The following IMMP2L variants were observed in gnomAD, a reference collection of about 807,000 sequenced individuals.
IMMP2L encodes the protein inner mitochondrial membrane peptidase subunit 2.
A neutral mutation model predicts 19.3 loss-of-function variants in IMMP2L; 18 were observed. The observed-to-expected ratio is 0.93, with a 90% CI of 0.64 to 1.38. The LOEUF (loss-of-function observed/expected upper bound fraction) is 1.38, where lower values mean the gene tolerates loss of function less well. IMMP2L is among the 40% of genes most tolerant of loss of function. The pLI, the probability that IMMP2L is intolerant of heterozygous loss-of-function variation, is 0.00. For missense variants in IMMP2L, 233 were observed against 218.2 expected (o/e 1.07, Z -0.43); for synonymous variants, 76 against 73.0 (o/e 1.04, Z -0.21).
chr7:110,690,132 C>T (rs73714312), intron 5 of IMMP2L, among the ~76,000 whole-genome samples: 5,398 of 152,222 alleles, frequency 0.035, 190 homozygotes, highest in African/African-American at 0.092. Context: ...ACTCACCCCC[C>T]ACCTCAGACA....
chr7:111,066,327 A>G (rs1463065790), intron 3 of IMMP2L, among the ~76,000 whole-genome samples: 1 of 152,142 alleles, frequency 6.6e-6, no homozygotes, highest in Non-Finnish European at 1.5e-5. Flanking sequence ...GTACCAGGAA[A>G]AAGTAGGCCT....
At chr7:111,320,507 A>C (rs1824571398) in intron 3 of IMMP2L, among the ~76,000 whole-genome samples, 1 of 152,032 alleles carries the variant, frequency 6.6e-6, no homozygotes, top group Non-Finnish European at 1.5e-5. Context: ...AATCTTTCTA[A>C]AACATTTTAG....
intron 5 of IMMP2L, among the ~76,000 whole-genome samples, chr7:110,804,788 A>T (rs988656686): frequency 2.6e-5 from 4 of 152,136 alleles, no homozygotes; most frequent in Non-Finnish European, 5.9e-5. Flanking sequence ...GGCCATGCTA[A>T]TGAGGACTAC....
chr7:111,479,795 T>C (rs1842023067), intron 3 of IMMP2L, among the ~76,000 whole-genome samples: 1 of 152,126 alleles, frequency 6.6e-6, no homozygotes, highest in Non-Finnish European at 1.5e-5. Context: ...CACTAGTATT[T>C]AATAGAATGT....
chr7:110,672,433 G>T (rs1326674679), intron 5 of IMMP2L, among the ~76,000 whole-genome samples: 1 of 152,034 alleles, frequency 6.6e-6, no homozygotes, highest in African/African-American at 2.4e-5. Context: ...TCCACACCCA[G>T]CCCCTCCCAA....
intron 3 of IMMP2L, among the ~76,000 whole-genome samples, chr7:111,127,498 A>T (rs557370518): frequency 6.6e-6 from 1 of 152,312 alleles, no homozygotes; most frequent in Non-Finnish European, 1.5e-5. Flanking sequence ...GTTACAACCA[A>T]AAATATACAG....
At chr7:110,679,243 C>T (rs1018667258) in intron 5 of IMMP2L, among the ~76,000 whole-genome samples, 2 of 152,094 alleles carry the variant, frequency 1.3e-5, no homozygotes, top group East Asian at 3.9e-4. Flanking sequence ...AGTCTCTTTA[C>T]CACATAATCA....
chr7:111,273,655 C>T (rs1205085354), intron 3 of IMMP2L, among the ~76,000 whole-genome samples: 1 of 152,112 alleles, frequency 6.6e-6, no homozygotes, highest in Non-Finnish European at 1.5e-5. Context: ...TGAAGGAACA[C>T]TTCCCGAGGG....
intron 1 of IMMP2L, among the ~76,000 whole-genome samples, chr7:111,522,938 T>TATATATATATATATATA (rs199823915): frequency 1.5e-4 from 22 of 148,816 alleles, no homozygotes; most frequent in African/African-American, 3.6e-4. Flanking sequence ...TATATATATA[T>TATATATATATATATATA]TATTTCACCA....
chr7:110,815,361 G>A (rs1480045663), intron 5 of IMMP2L, among the ~76,000 whole-genome samples: 1 of 151,858 alleles, frequency 6.6e-6, no homozygotes, highest in Admixed American at 6.6e-5. Flanking sequence ...TGCTGGATTC[G>A]GTTTGCCAGT....
intron 3 of IMMP2L, among the ~76,000 whole-genome samples, chr7:111,029,287 T>C (rs180789787): frequency 6.6e-6 from 1 of 152,216 alleles, no homozygotes; most frequent in Non-Finnish European, 1.5e-5. Context: ...AAGGATCTGG[T>C]TTCAGCTCAC....
intron 3 of IMMP2L, among the ~76,000 whole-genome samples, chr7:111,211,147 CAG>C (rs1586846811): frequency 6.6e-6 from 1 of 152,110 alleles, no homozygotes; most frequent in East Asian, 1.9e-4. Flanking sequence ...GGAAATACTA[CAG>C]AGAGTACTAC....
intron 3 of IMMP2L, among the ~76,000 whole-genome samples, chr7:111,056,172 T>C (rs1044169809): frequency 1.3e-5 from 2 of 152,228 alleles, no homozygotes; most frequent in African/African-American, 4.8e-5. Context: ...TAATAGATTG[T>C]TATTAATGAA....
intron 3 of IMMP2L, among the ~76,000 whole-genome samples, chr7:111,114,635 C>T (rs1306477970): frequency 6.6e-6 from 1 of 150,726 alleles, no homozygotes; most frequent in Non-Finnish European, 1.5e-5. Context: ...ACTTGGGAGG[C>T]TGAGGCAGGA....
At chr7:111,391,900 T>A (rs545985053) in intron 3 of IMMP2L, 1 of 702,864 alleles carries the variant, frequency 1.4e-6, no homozygotes, top group South Asian at 1.5e-5. Context: ...AAGGATGACA[T>A]TGAGCACTGC....
At chr7:110,930,636 CT>C (rs1815368179) in intron 4 of IMMP2L, among the ~76,000 whole-genome samples, 2 of 152,156 alleles carry the variant, frequency 1.3e-5, no homozygotes, top group Admixed American at 1.3e-4. Flanking sequence ...AAAACCCAAA[CT>C]ACTTAATTAT....
intron 3 of IMMP2L, among the ~76,000 whole-genome samples, chr7:111,139,594 G>A (rs1802675617): frequency 6.6e-6 from 1 of 152,074 alleles, no homozygotes; most frequent in Non-Finnish European, 1.5e-5. Context: ...ATTACAGATA[G>A]TAGTAATTAG....
intron 5 of IMMP2L, among the ~76,000 whole-genome samples, chr7:110,722,517 A>G (rs974115295): frequency 1.3e-5 from 2 of 152,156 alleles, no homozygotes; most frequent in Admixed American, 1.3e-4. Flanking sequence ...TACTATGAAT[A>G]TTATTTCTTT....
At chr7:111,091,869 A>G (rs1380588916) in intron 3 of IMMP2L, among the ~76,000 whole-genome samples, 2 of 151,922 alleles carry the variant, frequency 1.3e-5, no homozygotes, top group African/African-American at 2.4e-5. Context: ...GGAAGAGAGA[A>G]GACAGAGAGG....
Sources: gnomAD v4.1 joint callset for allele counts (sites outside exome capture counted in the v4.1 genomes callset) on GRCh38, gnomAD v4.1.1 for gene constraint, MANE v1.5 for transcripts, NCBI Gene and HGNC (gene_info 2026-07-23, HGNC 2026-07-21) for gene names.